PRDM5: variants seen among roughly 807,000 people sequenced by gnomAD.
The protein encoded by PRDM5 is PR domain zinc finger protein 5.
In PRDM5, 56 loss-of-function variants were observed where a neutral mutation model predicts 81.2. The ratio of observed to expected loss-of-function variants is 0.69; its 90% CI spans 0.56 to 0.86. PRDM5 has a LOEUF of 0.86. PRDM5 is among the 40% of genes least tolerant of loss of function. The pLI, the probability that PRDM5 is intolerant of heterozygous loss-of-function variation, is 0.00. For synonymous variants in PRDM5, 267 were observed against 256.4 expected (o/e 1.04, Z -0.39); for missense variants, 697 against 770.1 (o/e 0.91, Z 1.12).
intron 2 of PRDM5, among the ~76,000 whole-genome samples, chr4:120,895,957 G>T (rs747977337): frequency 5.9e-5 from 9 of 152,018 alleles, no homozygotes; most frequent in Non-Finnish European, 1.2e-4. Context: ...GAAATCTGTT[G>T]GTGAGAATTT....
At chr4:120,691,374 T>C (rs755091443), downstream of PRDM5, among the ~76,000 whole-genome samples, 2 of 152,144 alleles carry the variant, frequency 1.3e-5, no homozygotes, top group Non-Finnish European at 2.9e-5. Flanking sequence ...GTGCCTCAGC[T>C]GATTCTGAAA....
chr4:120,774,759 G>C (rs1747812419), intron 13 of PRDM5, among the ~76,000 whole-genome samples: 1 of 151,946 alleles, frequency 6.6e-6, no homozygotes, highest in South Asian at 2.1e-4. Context: ...AGTATGGTAA[G>C]TTTTATTTTA....
chr4:120,767,729 G>A (rs1015076010), intron 13 of PRDM5, among the ~76,000 whole-genome samples: 6 of 152,160 alleles, frequency 3.9e-5, no homozygotes, highest in Non-Finnish European at 8.8e-5. Flanking sequence ...TGTGTGATAT[G>A]GTCTGGCTGT....
intron 2 of PRDM5, among the ~76,000 whole-genome samples, chr4:120,870,697 G>A (rs1761694651): frequency 6.6e-6 from 1 of 152,224 alleles, no homozygotes; most frequent in Non-Finnish European, 1.5e-5. Flanking sequence ...AGGAAACTCT[G>A]AAGAACAAGG....
chr4:120,877,491 G>A (rs913502936), intron 2 of PRDM5, among the ~76,000 whole-genome samples: 3 of 152,276 alleles, frequency 2.0e-5, no homozygotes, highest in African/African-American at 7.2e-5. Flanking sequence ...ACTCCAGGCT[G>A]CTAGAAGAAT....
intron 2 of PRDM5, among the ~76,000 whole-genome samples, chr4:120,862,606 G>C (rs1402468418): frequency 6.6e-6 from 1 of 152,170 alleles, no homozygotes; most frequent in Non-Finnish European, 1.5e-5. Flanking sequence ...CCTTTGGTGG[G>C]CATGGGAGAA....
At chr4:120,815,253 AATC>A (rs3086580) in intron 7 of PRDM5, among the ~76,000 whole-genome samples, 10,898 of 152,258 alleles carry the variant, frequency 0.072, 743 homozygotes, top group African/African-American at 0.18. Flanking sequence ...TGCCTTTTGC[AATC>A]ATAGGGAAGA....
rs6846000 is a variant in PRDM5 at position 120,810,041 on chromosome 4, A to C, written c.945+1329T>G. On this transcript the variant is annotated intron_variant, in intron 8 of 15. Coordinates refer to ENST00000264808, the MANE Select transcript of PRDM5 (RefSeq NM_018699.4). ...TTCTATATTATGGTGAGTTTTATAA[A>C]TATTTCATTATACATTTTAATGTAA... Among the ~76,000 whole-genome samples, 507 of 152,076 alleles carry C rather than the reference A, an allele frequency of 3.3e-3. 3 individuals carry two copies. The highest frequency in any genetic ancestry group is 6.8e-3 in the Middle Eastern group (2 of 294).
chr4:120,866,325 A>G (rs1293902912), intron 2 of PRDM5, among the ~76,000 whole-genome samples: 1 of 152,366 alleles, frequency 6.6e-6, no homozygotes, highest in South Asian at 2.1e-4. Context: ...GTCAGATTCC[A>G]TAAGGATGAA....
chr4:120,741,717 G>A lies in PRDM5; in HGVS notation c.1623+12836C>T, dbSNP rs181681626. Among the ~76,000 whole-genome samples the A allele has an allele frequency of 8.2e-3, 1,247 of 152,192 alleles. 19 individuals carry two copies. Among genetic ancestry groups the A allele is most frequent in the African/African-American group, 0.029 (1,189 of 41,520 alleles). The stretch of plus-strand genomic sequence containing the variant: ...TCCCACCCGAATACTGCGCTTTTCC[G>A]ACAGGCTTAAAAAAACGGCACACCA... On this transcript the variant is annotated intron_variant, in intron 14 of 15. Coordinates refer to ENST00000264808, the MANE Select transcript of PRDM5 (RefSeq NM_018699.4).
intron 12 of PRDM5, among the ~76,000 whole-genome samples, chr4:120,777,582 C>T (rs1423605588): frequency 2.0e-5 from 3 of 151,990 alleles, no homozygotes; most frequent in Non-Finnish European, 2.9e-5. Context: ...CTAGCAAAAG[C>T]ACATAATCAA....
At chr4:120,750,714 A>ACG (rs1298545496) in intron 14 of PRDM5, among the ~76,000 whole-genome samples, 4,205 of 143,838 alleles carry the variant, frequency 0.029, 177 homozygotes, top group African/African-American at 0.1. Context: ...ACACACACAC[A>ACG]CACACGCGCA....
chr4:120,883,948 T>C (rs928499778), intron 2 of PRDM5, among the ~76,000 whole-genome samples: 1 of 152,192 alleles, frequency 6.6e-6, no homozygotes, highest in Non-Finnish European at 1.5e-5. Flanking sequence ...TCTATAAATA[T>C]ACTGAAAACT....
intron 10 of PRDM5, among the ~76,000 whole-genome samples, chr4:120,793,484 C>A (rs34151748): frequency 4.6e-5 from 7 of 151,944 alleles, no homozygotes; most frequent in African/African-American, 1.7e-4. Flanking sequence ...CATCCCCTGC[C>A]CAACACTGGT....
intron 2 of PRDM5, among the ~76,000 whole-genome samples, chr4:120,858,455 T>C (rs868164111): frequency 6.6e-6 from 1 of 152,216 alleles, no homozygotes; most frequent in Admixed American, 6.5e-5. Flanking sequence ...TGATCATAGC[T>C]AGGAAACTGT....
intron 7 of PRDM5, chr4:120,812,435 C>T (rs1753971936): frequency 2.1e-5 from 3 of 140,888 alleles, no homozygotes; most frequent in Non-Finnish European, 4.4e-5. Context: ...CTCCAGCATT[C>T]GTTATTCCGT....
chr4:120,696,029 G>A (rs1734478423), intron 15 of PRDM5, among the ~76,000 whole-genome samples: 3 of 152,148 alleles, frequency 2.0e-5, no homozygotes, highest in African/African-American at 7.2e-5. Context: ...ATTGAGGTTA[G>A]GCTTGGGAAA....
intron 14 of PRDM5, among the ~76,000 whole-genome samples, chr4:120,724,337 C>T (rs765240926): frequency 2.6e-5 from 4 of 152,084 alleles, no homozygotes; most frequent in South Asian, 4.1e-4. Flanking sequence ...AAAATCCTGG[C>T]GGGTGGAGTA....
rs1560889267 is a variant in PRDM5, at chr4:120,699,167, T to TAA, written c.1729-3893_1729-3892insTT. Among the ~76,000 whole-genome samples the TAA allele has an allele frequency of 7.2e-3, 144 of 19,930 alleles. 1 individual carries two copies. The highest frequency in any genetic ancestry group is 0.024 in the Middle Eastern group (1 of 42). 13.1% of individuals were successfully genotyped at this position (19,930 alleles called of 152,430 possible). A position where few individuals can be genotyped will look rare whatever the true frequency, so the allele number is the denominator to read the frequency against. ...GGCAATTATAGGAAATATAAATATA[T>TAA]ATATATATATATATATATATATATA... is the stretch of plus-strand genomic sequence containing the variant. On this transcript the variant is annotated intron_variant, in intron 15 of 15. Coordinates refer to ENST00000264808, the MANE Select transcript of PRDM5 (RefSeq NM_018699.4).
Sources: gnomAD v4.1 joint callset for allele counts (sites outside exome capture counted in the v4.1 genomes callset) on GRCh38, gnomAD v4.1.1 for gene constraint, MANE v1.5 for transcripts, NCBI Gene and HGNC (gene_info 2026-07-23, HGNC 2026-07-21) for gene names.